The following IFFO2 variants were observed in gnomAD, a reference collection of about 807,000 sequenced individuals.
IFFO2 encodes intermediate filament family orphan 2.
In IFFO2, 19 loss-of-function variants were observed where a neutral mutation model predicts 53.5. The ratio of observed to expected loss-of-function variants is 0.36; its 90% confidence interval spans 0.25 to 0.52. The LOEUF is 0.52. Ranked by LOEUF, IFFO2 falls within the 20% of genes least tolerant of loss-of-function variation. The pLI is 0.94. For synonymous variants in IFFO2, 303 were observed against 313.6 expected, an observed-to-expected ratio of 0.97 and a Z score of 0.36; for missense variants, 570 against 727.4, an observed-to-expected ratio of 0.78 and a Z score of 2.49.
At chr1:18,955,055 T>C (rs1280237528) in intron 1 of IFFO2, among the ~76,000 whole-genome samples, 3 of 152,222 alleles carry the variant, frequency 2.0e-5, no homozygotes, top group Non-Finnish European at 2.9e-5. Flanking sequence ...CGGCAGACAC[T>C]GGCCCCAGGG....
At chr1:18,920,919 T>A (rs1248616329) in intron 2 of IFFO2, 142 bp downstream of exon 2, 1 of 702,062 alleles carries the variant, frequency 1.4e-6, no homozygotes, top group African/African-American at 1.8e-5. Flanking sequence ...CTTGGCTCCA[T>A]AAAGGAGAGA....
intron 1 of IFFO2, among the ~76,000 whole-genome samples, chr1:18,950,544 C>G (rs967086713): frequency 1.3e-5 from 2 of 152,238 alleles, no homozygotes; most frequent in African/African-American, 4.8e-5. Flanking sequence ...TTCACACAGA[C>G]AGTGGCAGAG....
At chr1:18,912,205 CA>C (rs1936051582) in intron 5 of IFFO2, 122 bp from the exon 6 acceptor site, 1 of 1,223,974 alleles carries the variant, frequency 8.2e-7, no homozygotes, top group Non-Finnish European at 1.1e-6. Context: ...TCAGGAAAGA[CA>C]GGGGTAGTAA....
chr1:18,956,329 C>A lies in IFFO2; in HGVS notation c.4G>T (p.Val2Leu), dbSNP rs866772242. ...ATCTCCCCGAACAGCAGCGAGTTCACCATGCGCCGGCTGCGCGGCTCAGGG... is the reference window on the plus strand; with the variant it reads ...ATCTCCCCGAACAGCAGCGAGTTCAACATGCGCCGGCTGCGCGGCTCAGGG... Reference protein sequence around the residue: MVNSLLFGEMAL... With the variant: MLNSLLFGEMAL... Residue 2 changes from valine (V) to leucine (L), a missense_variant, in exon 1 of 9, where the codon GTG becomes TTG. Val to Leu is a conservative substitution (Grantham distance 32, BLOSUM62 1). Transcript: ENST00000455833. The surrounding 1 kb of genome is among the most constrained non-coding windows in gnomAD (Gnocchi z 6.4). 5.7e-6 allele frequency: 2 copies of A among 350,034 alleles called. No homozygotes were observed. The highest frequency in any genetic ancestry group is 4.4e-6 in the Non-Finnish European group (1 of 229,502). 21.7% of individuals were successfully genotyped at this position (350,034 alleles called of 1,614,324 possible). A position where few individuals can be genotyped will look rare whatever the true frequency, so the allele number is the denominator to read the frequency against.
chr1:18,913,808 T>TTTG (rs965658120), intron 5 of IFFO2, among the ~76,000 whole-genome samples: 2 of 116,574 alleles, frequency 1.7e-5, no homozygotes, highest in East Asian at 2.8e-4. Flanking sequence ...GGTTTCGTTG[T>TTTG]TTGTTGTTGT....
intron 1 of IFFO2, among the ~76,000 whole-genome samples, chr1:18,925,692 G>A (rs1348370522): frequency 1.3e-5 from 2 of 152,252 alleles, no homozygotes; most frequent in Admixed American, 6.5e-5. Context: ...GCTTGCTACT[G>A]TATTCCCTGC....
chr1:18,916,191 G>A lies in IFFO2; in HGVS notation c.1103+712C>T, dbSNP rs1458370573. On this transcript the variant is annotated intron_variant, in intron 5 of 8. Transcript: ENST00000455833. This position sits in a 1 kb window ranked among gnomAD's most constrained non-coding sequence, Gnocchi z 4.3. The stretch of plus-strand genomic sequence containing the variant: ...CCCTTCTGGGTTCATGACATCCTCA[G>A]ACACAGACATGTCCAGAGAGAGGAC... 2.0e-5 allele frequency among the ~76,000 whole-genome samples: 3 copies of A among 151,940 alleles called. No individual in the cohort carries two copies. The highest frequency in any genetic ancestry group is 4.4e-5 in the Non-Finnish European group (3 of 67,992).
intron 1 of IFFO2, among the ~76,000 whole-genome samples, chr1:18,951,920 TC>T (rs1314562515): frequency 3.3e-5 from 5 of 151,784 alleles, no homozygotes; most frequent in Non-Finnish European, 7.4e-5. Flanking sequence ...CCTCTTGGAG[TC>T]ACTGACCTAA....
intron 1 of IFFO2, among the ~76,000 whole-genome samples, chr1:18,927,488 C>A (rs1296304463): frequency 1.3e-5 from 2 of 152,238 alleles, no homozygotes; most frequent in Admixed American, 6.5e-5. Flanking sequence ...GGAGCTCACC[C>A]CACTGCAGCA....
At chr1:18,915,209 G>C (rs1222521323) in intron 5 of IFFO2, among the ~76,000 whole-genome samples, 1 of 152,158 alleles carries the variant, frequency 6.6e-6, no homozygotes, top group Admixed American at 6.5e-5. Flanking sequence ...TGGCTGGGCA[G>C]AGTGAGCTCT....
intron 2 of IFFO2, among the ~76,000 whole-genome samples, chr1:18,920,066 C>T (rs912518394): frequency 3.3e-5 from 5 of 152,210 alleles, no homozygotes; most frequent in African/African-American, 4.8e-5. Flanking sequence ...GAGATCAATC[C>T]GTGTGAAACT....
At chr1:18,943,866 A>G (rs1451889573) in intron 1 of IFFO2, among the ~76,000 whole-genome samples, 1 of 152,194 alleles carries the variant, frequency 6.6e-6, no homozygotes, top group Non-Finnish European at 1.5e-5. Context: ...ATGTCTGGTC[A>G]AGGAGCAGGG....
intron 1 of IFFO2, among the ~76,000 whole-genome samples, chr1:18,950,779 G>A (rs1050724926): frequency 2.0e-5 from 3 of 152,162 alleles, no homozygotes; most frequent in Non-Finnish European, 2.9e-5. Flanking sequence ...GGGAATGGGC[G>A]GGGGACACTC....
At chr1:18,921,027 G>GCCT in intron 2 of IFFO2, 34 bp downstream of exon 2, 1 of 1,543,056 alleles carries the variant, frequency 6.5e-7, no homozygotes, top group Middle Eastern at 1.7e-4. Context: ...TCTCTGGCGT[G>GCCT]CCTCTCCTGG....
Position 18,956,180 on chromosome 1 carries a change from G to T in IFFO2, c.153C>A (p.Gly51=). ...GCCCCTTCAAGAGGTGGATGTTGGA[G>T]CCCAGGTCGTCCCGCAGCGCCGCCG... ...PVTAALRDDL[G]SNIHLLKGLN... Residue 51 remains glycine (G), a synonymous_variant, in exon 1 of 9, where the codon GGC becomes GGA. Coordinates refer to ENST00000455833, the MANE Select transcript of IFFO2 (RefSeq NM_001136265.2). The surrounding 1 kb of genome is among the most constrained non-coding windows in gnomAD (Gnocchi z 6.4). 1 of 1,457,816 alleles carries T rather than the reference G, an allele frequency of 6.9e-7. No homozygotes were observed. The highest frequency in any genetic ancestry group is 1.2e-5 in the South Asian group (1 of 80,042). 90.3% of individuals were successfully genotyped at this position (1,457,816 alleles called of 1,614,324 possible). A position where few individuals can be genotyped will look rare whatever the true frequency, so the allele number is the denominator to read the frequency against.
chr1:18,951,630 C>T (rs1262241210), intron 1 of IFFO2, among the ~76,000 whole-genome samples: 1 of 152,228 alleles, frequency 6.6e-6, no homozygotes, highest in Non-Finnish European at 1.5e-5. Context: ...ACTTCCCCTA[C>T]CAGTCCATGG....
Position 18,907,679 on chromosome 1 carries a change from C to T in IFFO2, c.*882G>A, listed in dbSNP as rs1283157371. 2.0e-5 allele frequency: 3 copies of T among 152,316 alleles called. No individual in the cohort carries two copies. The highest frequency in any genetic ancestry group is 6.5e-5 in the Admixed American group (1 of 15,288). The allele number at this position is 152,316 out of a possible 1,614,324, so 9.4% of individuals were successfully genotyped here. A position where few individuals can be genotyped will look rare whatever the true frequency, so the allele number is the denominator to read the frequency against. ...GGAGGCCAGTGCCTTGCGGGAACCC[C>T]AGCCTCATGACCAACCTCGGCCAAA... On this transcript the variant is annotated 3_prime_UTR_variant, in exon 9 of 9. Coordinates refer to ENST00000455833, the MANE Select transcript of IFFO2 (RefSeq NM_001136265.2).
Position 18,905,977 on chromosome 1 carries a change from T to G in IFFO2, c.*2584A>C, listed in dbSNP as rs1227014478. On this transcript the variant is annotated 3_prime_UTR_variant, in exon 9 of 9. Transcript: ENST00000455833. ...TGCTGCCCCAGCGAGCGTTGGGGTC[T>G]TTCTTGGCAAGCTGTGGGCTCATGG... The G allele has an allele frequency of 6.6e-6, 1 of 152,250 alleles. No individual in the cohort carries two copies. The highest frequency in any genetic ancestry group is 1.5e-5 in the Non-Finnish European group (1 of 68,068). 9.4% of individuals were successfully genotyped at this position (152,250 alleles called of 1,614,324 possible).
intron 1 of IFFO2, among the ~76,000 whole-genome samples, chr1:18,921,854 G>T (rs957349196): frequency 6.6e-6 from 1 of 152,048 alleles, no homozygotes; most frequent in African/African-American, 2.4e-5. Context: ...AATAGGAAAC[G>T]CGGGCGGGAG....
Sources: gnomAD v4.1 joint callset for allele counts (sites outside exome capture counted in the v4.1 genomes callset) on GRCh38, gnomAD v4.1.1 for gene constraint, Gnocchi (gnomAD v3.1) non-coding constraint, MANE v1.5 for transcripts, NCBI Gene and HGNC (gene_info 2026-07-23, HGNC 2026-07-21) for gene names.